The following RPH3AL variants were observed in gnomAD, a reference collection of about 807,000 sequenced individuals.
RPH3AL encodes the protein rabphilin 3A like (without C2 domains).
RPH3AL carries 38 observed loss-of-function variants against 43.1 expected under a neutral mutation model. The observed-to-expected ratio is 0.88, with a 90% CI of 0.68 to 1.15. The LOEUF is 1.15. RPH3AL is among the 50% of genes most tolerant of loss of function. The pLI, the probability that RPH3AL is intolerant of heterozygous loss-of-function variation, is 0.00. For missense variants in RPH3AL, 462 were observed against 423.2 expected (o/e 1.09, Z -0.81); for synonymous variants, 189 against 176.3 (o/e 1.07, Z -0.57).
At chr17:329,463 C>T (rs757290760) in intron 2 of RPH3AL, among the ~76,000 whole-genome samples, 5 of 152,066 alleles carry the variant, frequency 3.3e-5, no homozygotes, top group East Asian at 1.9e-4. Flanking sequence ...GCAAAAAGAG[C>T]GAAACTCCGT....
At chr17:235,321 G>A (rs940716691) in intron 7 of RPH3AL, among the ~76,000 whole-genome samples, 2 of 149,794 alleles carry the variant, frequency 1.3e-5, no homozygotes, top group Non-Finnish European at 3.0e-5. Flanking sequence ...GCTGGGGTCG[G>A]CCGAGGCTCT....
intron 7 of RPH3AL, 105 bp from the exon 8 acceptor site, chr17:219,841 G>A (rs529212718): frequency 6.0e-5 from 47 of 779,146 alleles, no homozygotes; most frequent in Non-Finnish European, 9.0e-5. Context: ...ACCACGTGGC[G>A]TAGCAGCTCA....
chr17:317,690 T>C (rs73971733), intron 5 of RPH3AL, among the ~76,000 whole-genome samples: 1 of 152,180 alleles, frequency 6.6e-6, no homozygotes, highest in Admixed American at 6.5e-5. Context: ...TTACCACATA[T>C]GACAAAAGCA....
At chr17:286,909 A>ACCCTCTCTCTCCACCATCAGACCTCACT (rs2042927224) in intron 5 of RPH3AL, among the ~76,000 whole-genome samples, 1 of 128,790 alleles carries the variant, frequency 7.8e-6, no homozygotes, top group African/African-American at 2.9e-5. Context: ...CAGACCTCGC[A>ACCCTCTCTCTCCACCATCAGACCTCACT]CCCTCTCTCT....
At chr17:263,208 G>A (rs2042241675) in intron 6 of RPH3AL, among the ~76,000 whole-genome samples, 1 of 152,194 alleles carries the variant, frequency 6.6e-6, no homozygotes, top group South Asian at 2.1e-4. Context: ...CATATCCACA[G>A]CTCACACACA....
rs536529336 is a variant in RPH3AL, at chr17:273,795, G to C, written c.438+7973C>G. On this transcript the variant is annotated intron_variant, in intron 6 of 9. Coordinates refer to ENST00000331302, the MANE Select transcript of RPH3AL (RefSeq NM_006987.4). ...TGCTGGCTGTGGCCCGTGGCTGCCGGGTTATAATCAGGATGTGGCGGGAAA... is the reference window on the plus strand; with the variant it reads ...TGCTGGCTGTGGCCCGTGGCTGCCGCGTTATAATCAGGATGTGGCGGGAAA... Among the ~76,000 whole-genome samples, 3 of 152,322 alleles carry C rather than the reference G, an allele frequency of 2.0e-5. No homozygotes were observed. In the East Asian group the frequency reaches 5.8e-4, roughly 29 times the overall value.
rs1159477625 is a variant in RPH3AL at position 307,182 on chromosome 17, T to A, written c.351+12238A>T. ...GGCAGGCCCATCCCACGGCAGATCC[T>A]CCCCGCGGCAGGTCCTCCCCACGGC... On this transcript the variant is annotated intron_variant, in intron 5 of 9. Transcript: ENST00000331302. Among the ~76,000 whole-genome samples, 7 of 136,272 alleles carry A rather than the reference T, an allele frequency of 5.1e-5. No homozygotes were observed. The South Asian group carries it at 1.5e-3, about 29-fold the overall frequency. 89.4% of individuals were successfully genotyped at this position (136,272 alleles called of 152,430 possible). A position where few individuals can be genotyped will look rare whatever the true frequency, so the allele number is the denominator to read the frequency against.
At chr17:281,303 C>T (rs2042772173) in intron 6 of RPH3AL, among the ~76,000 whole-genome samples, 1 of 152,050 alleles carries the variant, frequency 6.6e-6, no homozygotes, top group East Asian at 1.9e-4. Flanking sequence ...TCTTTATTTC[C>T]CCATCAGGAA....
chr17:315,366 C>G (rs879751202), intron 5 of RPH3AL, among the ~76,000 whole-genome samples: 204 of 39,898 alleles, frequency 5.1e-3, no homozygotes, highest in Middle Eastern at 0.017. Flanking sequence ...TTCCACTGAC[C>G]TGTAGTCCCT....
At position 333,363 on chromosome 17, in the gene RPH3AL, C is replaced by T. The variant is rs1400621125; in HGVS notation, c.-37+396G>A. The stretch of plus-strand genomic sequence containing the variant: ...CTCACATCAGCCACCCCCATGGCGA[C>T]TCTTAACACCTTAATGTAGCACCTT... On this transcript the variant is annotated intron_variant, in intron 2 of 9. Transcript: ENST00000331302. The surrounding 1 kb of genome is among the most constrained non-coding windows in gnomAD (Gnocchi z 4.5). The T allele has an allele frequency of 7.1e-6, 8 of 1,133,818 alleles. No individual in the cohort carries two copies. Among genetic ancestry groups the T allele is most frequent in the African/African-American group, 1.6e-5 (1 of 62,618 alleles). 70.2% of individuals were successfully genotyped at this position (1,133,818 alleles called of 1,614,324 possible). A position where few individuals can be genotyped will look rare whatever the true frequency, so the allele number is the denominator to read the frequency against.
intron 6 of RPH3AL, among the ~76,000 whole-genome samples, chr17:268,120 A>T (rs1169296675): frequency 6.6e-6 from 1 of 152,168 alleles, no homozygotes; most frequent in Non-Finnish European, 1.5e-5. Flanking sequence ...CAGTTGACCC[A>T]TGAACCACAT....
chr17:243,471 A>C, intron 7 of RPH3AL, among the ~76,000 whole-genome samples: 1 of 133,800 alleles, frequency 7.5e-6, no homozygotes, highest in African/African-American at 2.9e-5. Context: ...TCCTCTATTG[A>C]CTACCTTCCT....
At chr17:334,300 T>C (rs2044879967) in intron 1 of RPH3AL, among the ~76,000 whole-genome samples, 1 of 152,230 alleles carries the variant, frequency 6.6e-6, no homozygotes, top group Non-Finnish European at 1.5e-5. Flanking sequence ...CGCCCGCAGC[T>C]GTCTGTCTCT....
Position 264,557 on chromosome 17 carries a change from G to A in RPH3AL, c.438+17211C>T, listed in dbSNP as rs1017540736. Among the ~76,000 whole-genome samples the A allele has an allele frequency of 5.3e-5, 8 of 152,036 alleles. No individual in the cohort carries two copies. The highest frequency in any genetic ancestry group is 1.9e-4 in the East Asian group (1 of 5,186). On this transcript the variant is annotated intron_variant, in intron 6 of 9. Coordinates refer to ENST00000331302, the MANE Select transcript of RPH3AL (RefSeq NM_006987.4). This position sits in a 1 kb window ranked among gnomAD's most constrained non-coding sequence, Gnocchi z 4.8. ...CGCGCTGGATGGGGACTCAGAATCC[G>A]CACCGTGTGTGTGACCACTGCATGG...
intron 1 of RPH3AL, among the ~76,000 whole-genome samples, chr17:337,519 T>C (rs1276282032): frequency 6.6e-6 from 1 of 152,176 alleles, no homozygotes; most frequent in Non-Finnish European, 1.5e-5. Context: ...CTCCAGCCCC[T>C]GCTAAGACTC....
intron 6 of RPH3AL, chr17:261,724 A>G (rs1555546275): frequency 6.6e-6 from 1 of 152,198 alleles, no homozygotes; most frequent in Non-Finnish European, 1.5e-5. Context: ...ACTCATAAGG[A>G]CGCTGAGTTT....
chr17:214,635 T>C (rs1011861111), intron 9 of RPH3AL: 23 of 152,592 alleles, frequency 1.5e-4, no homozygotes, highest in African/African-American at 5.5e-4. Flanking sequence ...CCGGGCATGG[T>C]GGCACTTGCC....
At chr17:236,021 G>A (rs1389591840) in intron 7 of RPH3AL, among the ~76,000 whole-genome samples, 2 of 151,788 alleles carry the variant, frequency 1.3e-5, no homozygotes, top group Non-Finnish European at 2.9e-5. Flanking sequence ...GCTGGGGTCG[G>A]CGGTGGCTCC....
In RPH3AL at chr17:283,302, G is replaced by T. The variant is rs1289355302; in HGVS notation, c.352-1448C>A. On this transcript the variant is annotated intron_variant, in intron 5 of 9. Coordinates refer to ENST00000331302, the MANE Select transcript of RPH3AL (RefSeq NM_006987.4). The surrounding 1 kb of genome is among the most constrained non-coding windows in gnomAD (Gnocchi z 4.2). ...CCACGTCGAGCGTGTCGAGCGTGTGGAGGTCACTGGCCTGATCGGGTGGCC... is the reference window on the plus strand; with the variant it reads ...CCACGTCGAGCGTGTCGAGCGTGTGTAGGTCACTGGCCTGATCGGGTGGCC... Among the ~76,000 whole-genome samples, 5 of 152,192 alleles carry T rather than the reference G, an allele frequency of 3.3e-5. No individual in the cohort carries two copies. The highest frequency in any genetic ancestry group is 3.3e-4 in the Admixed American group (5 of 15,282).
Sources: gnomAD v4.1 joint callset for allele counts (sites outside exome capture counted in the v4.1 genomes callset) on GRCh38, gnomAD v4.1.1 for gene constraint, Gnocchi (gnomAD v3.1) non-coding constraint, MANE v1.5 for transcripts, NCBI Gene and HGNC (gene_info 2026-07-23, HGNC 2026-07-21) for gene names.